Variants in ZGPAT observed in about 807,000 individuals in gnomAD.
The protein encoded by ZGPAT is zinc finger CCCH-type with G patch domain-containing protein.
Under a neutral mutation model 47.9 loss-of-function variants are expected in ZGPAT, and 39 were observed. The observed-to-expected ratio is 0.81, with a 90% confidence interval of 0.63 to 1.06. ZGPAT has a LOEUF of 1.06. ZGPAT is among the 50% of genes least tolerant of loss of function. ZGPAT has a pLI of 0.00. For missense variants in ZGPAT, 717 were observed against 681.4 expected (o/e 1.05, Z -0.58); for synonymous variants, 348 against 292.9 (o/e 1.19, Z -1.92).
intron 3 of ZGPAT, 73 bp downstream of exon 3, chr20:63,733,425 C>T (rs1241903417): frequency 6.3e-7 from 1 of 1,598,298 alleles, no homozygotes. Flanking sequence ...TGTGGCTGCT[C>T]CCTGCTTCCT....
intron 1 of ZGPAT, 67 bp from the exon 2 acceptor site, chr20:63,708,486 C>A: frequency 8.3e-7 from 1 of 1,201,570 alleles, no homozygotes; most frequent in East Asian, 2.5e-5. Flanking sequence ...TGCCCGTGCC[C>A]GTGCCCGCCC....
rs1460313931 is a variant in ZGPAT, at chr20:63,734,500, A to G, written c.872-205A>G. 1.0e-5 allele frequency: 10 copies of G among 994,130 alleles called. 1 individual carries two copies. Among genetic ancestry groups the G allele is most frequent in the Non-Finnish European group, 1.3e-5 (9 of 680,764 alleles). The allele number at this position is 994,130 out of a possible 1,614,324, so 61.6% of individuals were successfully genotyped here. A position where few individuals can be genotyped will look rare whatever the true frequency, so the allele number is the denominator to read the frequency against. On this transcript the variant is annotated intron_variant, in intron 4 of 6. Transcript: ENST00000355969. ...ACTCTGCCTGGTGTCACATGCCCAC[A>G]GCAGCCTCGGTGACGAGAGCACGGA...
At chr20:63,712,360 A>G (rs2091677756) in intron 2 of ZGPAT, among the ~76,000 whole-genome samples, 1 of 152,318 alleles carries the variant, frequency 6.6e-6, no homozygotes, top group Middle Eastern at 3.4e-3. Context: ...CCATTGGTGT[A>G]TATGTGCCAG....
At chr20:63,717,332 C>A in intron 2 of ZGPAT, among the ~76,000 whole-genome samples, 1 of 60,972 alleles carries the variant, frequency 1.6e-5, no homozygotes. Flanking sequence ...TTTTTCTTTT[C>A]TTTTTTTTTT....
rs1009525305 is a variant in ZGPAT at position 63,726,879 on chromosome 20, A to T, written c.585-6340A>T. Among the ~76,000 whole-genome samples, 3 of 152,130 alleles carry T rather than the reference A, an allele frequency of 2.0e-5. No homozygotes were observed. In the East Asian group the frequency reaches 5.8e-4, roughly 29 times the overall value. ...GGTTCACAACAAAATTGGGTGGAGG[A>T]TACAGAGATTTCACATATACTCCAG... On this transcript the variant is annotated intron_variant, in intron 2 of 6. Transcript: ENST00000355969.
chr20:63,735,577 C>T lies in ZGPAT; in HGVS notation c.1397+13C>T. The T allele has an allele frequency of 2.6e-6, 4 of 1,513,612 alleles. No individual in the cohort carries two copies. Among genetic ancestry groups the T allele is most frequent in the South Asian group, 1.3e-5 (1 of 74,934 alleles). The allele number at this position is 1,513,612 out of a possible 1,614,324, so 93.8% of individuals were successfully genotyped here. On this transcript the variant is annotated intron_variant, in intron 6 of 6. Transcript: ENST00000355969. ...GCAACGCTGGCCGGTACGTGTGGGG[C>T]CCAGCTCAGGGCAAAGGGCGACCCA...
upstream of ZGPAT, chr20:63,707,779 AAAGCT>A (rs1282153353): frequency 3.3e-5 from 5 of 152,266 alleles, no homozygotes; most frequent in Admixed American, 6.5e-5. Flanking sequence ...ACAAGCAGCC[AAAGCT>A]GGCTCCTGTC....
In ZGPAT at chr20:63,733,681, A is replaced by G; in HGVS notation, c.813A>G (p.Thr271=). The change falls in exon 4 of 7, where the codon ACA becomes ACG. Residue 271 remains threonine (T), a synonymous_variant. Transcript: ENST00000355969. ...EGDGILPPLR[T]EATESDSDSD... ...ACGGCATCCTGCCCCCACTGCGCAC[A>G]GAGGCCACAGAGTCCGACTCAGACA... The G allele has an allele frequency of 1.2e-6, 2 of 1,613,974 alleles. No individual in the cohort carries two copies. Among genetic ancestry groups the G allele is most frequent in the Non-Finnish European group, 1.7e-6 (2 of 1,180,012 alleles).
At chr20:63,727,669 CAAAA>C (rs746126031) in intron 2 of ZGPAT, among the ~76,000 whole-genome samples, 5 of 45,888 alleles carry the variant, frequency 1.1e-4, no homozygotes, top group Non-Finnish European at 1.8e-4. Context: ...GACTCGGTCT[CAAAA>C]AAAAAAAAAA....
At chr20:63,724,502 C>T (rs2091823330) in intron 2 of ZGPAT, among the ~76,000 whole-genome samples, 1 of 151,776 alleles carries the variant, frequency 6.6e-6, no homozygotes, top group Non-Finnish European at 1.5e-5. Context: ...GGCAACATAG[C>T]GAGACTCCAT....
At chr20:63,722,780 C>T (rs2091801509) in intron 2 of ZGPAT, among the ~76,000 whole-genome samples, 1 of 151,924 alleles carries the variant, frequency 6.6e-6, no homozygotes, top group Non-Finnish European at 1.5e-5. Flanking sequence ...CTACAGGCAC[C>T]CCCACCACAC....
Position 63,736,130 on chromosome 20 carries a change from C to A in ZGPAT, c.*211C>A. 3.0e-6 allele frequency: 2 copies of A among 673,138 alleles called. No homozygotes were observed. The highest frequency in any genetic ancestry group is 2.0e-5 in the South Asian group (1 of 51,202). 41.7% of individuals were successfully genotyped at this position (673,138 alleles called of 1,614,324 possible). On this transcript the variant is annotated 3_prime_UTR_variant, in exon 7 of 7. Coordinates refer to ENST00000355969, the MANE Select transcript of ZGPAT (RefSeq NM_181485.3). ...CTTGGCAAGGACATTAAAGTGATTT[C>A]ATCACAGTGTCATTCAGTGGAGATC...
At chr20:63,714,039 A>C (rs1444660850) in intron 2 of ZGPAT, among the ~76,000 whole-genome samples, 1 of 152,142 alleles carries the variant, frequency 6.6e-6, no homozygotes, top group African/African-American at 2.4e-5. Flanking sequence ...GAATAGAGAT[A>C]ATTGTAGTCT....
intron 2 of ZGPAT, among the ~76,000 whole-genome samples, chr20:63,731,834 C>G (rs980844645): frequency 6.6e-6 from 1 of 152,204 alleles, no homozygotes; most frequent in African/African-American, 2.4e-5. Context: ...AGGATGGCTG[C>G]GTCTGTACAC....
chr20:63,709,202 G>T, intron 2 of ZGPAT, 38 bp downstream of exon 2: 2 of 1,597,372 alleles, frequency 1.3e-6, no homozygotes, highest in Non-Finnish European at 1.7e-6. Context: ...CCTTAGGGGC[G>T]TAAGGGGCAC....
chr20:63,715,027 G>A (rs1028282318), intron 2 of ZGPAT, among the ~76,000 whole-genome samples: 4 of 151,932 alleles, frequency 2.6e-5, no homozygotes, highest in African/African-American at 7.3e-5. Flanking sequence ...GTGGTATATT[G>A]ATTTTCGTAT....
chr20:63,733,121 C>T (rs940356822), intron 2 of ZGPAT, 98 bp from the exon 3 acceptor site: 12 of 1,516,632 alleles, frequency 7.9e-6, no homozygotes, highest in Non-Finnish European at 9.8e-6. Flanking sequence ...TGTCTGTCTC[C>T]CTCAGGACAG....
chr20:63,715,827 C>CATAT (rs148206286), intron 2 of ZGPAT, among the ~76,000 whole-genome samples: 27 of 148,598 alleles, frequency 1.8e-4, no homozygotes, highest in African/African-American at 6.4e-4. Context: ...TATATACAAT[C>CATAT]ATATATAGAG....
intron 2 of ZGPAT, among the ~76,000 whole-genome samples, chr20:63,730,964 CTCTCTCTGTGTGTG>C (rs1279509267): frequency 1.2e-3 from 102 of 87,608 alleles, no homozygotes; most frequent in African/African-American, 5.8e-3. Context: ...CTCTCTCTCT[CTCTCTCTGTGTGTG>C]TGTGTGTGTG....
Sources: allele counts gnomAD v4.1 joint callset (sites outside exome capture counted in the v4.1 genomes callset), GRCh38; gene constraint gnomAD v4.1.1; transcripts MANE v1.5; gene names NCBI Gene and HGNC (gene_info 2026-07-23, HGNC 2026-07-21).